The following CHL1 variants were observed in gnomAD, a reference collection of about 807,000 sequenced individuals.
The protein encoded by CHL1 is neural cell adhesion molecule L1-like protein.
In CHL1, 96 loss-of-function variants were observed where a neutral mutation model predicts 141.9. The observed-to-expected ratio is 0.68, with a 90% confidence interval of 0.57 to 0.80. The LOEUF (loss-of-function observed/expected upper bound fraction) is 0.80, where lower values mean the gene tolerates loss of function less well. CHL1 is among the 30% of genes least tolerant of loss of function. The pLI is 0.00. For synonymous variants in CHL1, 613 were observed against 502.2 expected (o/e 1.22, Z -2.95); for missense variants, 1,820 against 1,457.2 (o/e 1.25, Z -4.05).
intron 2 of CHL1, among the ~76,000 whole-genome samples, chr3:266,851 T>A (rs1574909384): frequency 1.3e-5 from 2 of 152,304 alleles, no homozygotes; most frequent in African/African-American, 4.8e-5. Context: ...CATGTTGTGA[T>A]ATTACAACAA....
At position 342,093 on chromosome 3, in the gene CHL1, A is replaced by G. The variant is rs1055498166; in HGVS notation, c.679+11A>G. 6.9e-6 allele frequency: 11 copies of G among 1,597,930 alleles called. No individual in the cohort carries two copies. The highest frequency in any genetic ancestry group is 6.7e-5 in the Admixed American group (4 of 59,380). ...TAACAGTTAACAGTTGTAAGTCCAC[A>G]TAATTTATCGTTTCATCATGTATGC... is the stretch of plus-strand genomic sequence containing the variant. On this transcript the variant is annotated intron_variant, in intron 7 of 27. Transcript: ENST00000256509.
In CHL1 at chr3:342,074, T is replaced by C. The variant is rs116421102; in HGVS notation, c.671T>C (p.Val224Ala). 1.7e-3 allele frequency: 2,760 copies of C among 1,608,678 alleles called. 5 individuals carry two copies. Among genetic ancestry groups the C allele is most frequent in the Non-Finnish European group, 2.2e-3 (2,562 of 1,175,744 alleles). ...IVQKMPMKLT[V>A]NSLKHANDSS... ...CAGAAAATGCCAATGAAACTAACAG[T>C]TAACAGTTGTAAGTCCACATAATTT... The change falls in exon 7 of 28, where the codon GTT becomes GCT. Residue 224 changes from valine to alanine, a missense_variant. Val to Ala is a moderately conservative substitution (Grantham distance 64). Coordinates refer to ENST00000256509, the MANE Select transcript of CHL1 (RefSeq NM_006614.4).
At chr3:235,243 A>T (rs571692364) in intron 1 of CHL1, among the ~76,000 whole-genome samples, 4 of 152,242 alleles carry the variant, frequency 2.6e-5, no homozygotes, top group African/African-American at 7.2e-5. Context: ...TGATGCTGCG[A>T]TAACACCTAT....
chr3:380,473 G>C (rs539283800), intron 16 of CHL1, among the ~76,000 whole-genome samples: 1 of 152,252 alleles, frequency 6.6e-6, no homozygotes, highest in African/African-American at 2.4e-5. Flanking sequence ...CCAATTTTCA[G>C]AGTAAATACC....
intron 1 of CHL1, among the ~76,000 whole-genome samples, chr3:242,633 C>G (rs1402302705): frequency 6.6e-6 from 1 of 151,290 alleles, no homozygotes; most frequent in African/African-American, 2.4e-5. Flanking sequence ...TAAAATAATA[C>G]AGAGATAATT....
chr3:264,515 C>T (rs2125213471), intron 2 of CHL1, among the ~76,000 whole-genome samples: 1 of 152,220 alleles, frequency 6.6e-6, no homozygotes, highest in Middle Eastern at 3.4e-3. Context: ...TAACAAAATG[C>T]CCCTGGTCTG....
At chr3:339,886 A>C (rs1479092500) in intron 5 of CHL1, among the ~76,000 whole-genome samples, 5 of 152,250 alleles carry the variant, frequency 3.3e-5, no homozygotes, top group South Asian at 2.1e-4. Flanking sequence ...AATGAATTCC[A>C]TCAAGTTGGG....
chr3:252,863 T>C (rs972235607), intron 2 of CHL1, among the ~76,000 whole-genome samples: 7 of 152,164 alleles, frequency 4.6e-5, no homozygotes, highest in African/African-American at 1.7e-4. Context: ...TTAGTGAATG[T>C]CCAATTATCA....
chr3:242,504 G>A (rs905592663), intron 1 of CHL1, among the ~76,000 whole-genome samples: 21 of 151,886 alleles, frequency 1.4e-4, no homozygotes, highest in Non-Finnish European at 2.6e-4. Flanking sequence ...GCTGAGGCAG[G>A]AGAATGGCTT....
chr3:378,449 A>G (rs772554625), intron 16 of CHL1, among the ~76,000 whole-genome samples: 15 of 152,180 alleles, frequency 9.9e-5, no homozygotes, highest in Admixed American at 2.0e-4. Flanking sequence ...GTTGTTGTTG[A>G]TGAAAGTACT....
intron 11 of CHL1, 80 bp from the exon 12 acceptor site, chr3:360,204 G>A (rs1704100232): frequency 5.3e-6 from 8 of 1,496,172 alleles, no homozygotes; most frequent in African/African-American, 1.4e-5. Context: ...TATAAATACT[G>A]TGTGACACAT....
At chr3:216,334 C>T (rs1281298223) in intron 1 of CHL1, among the ~76,000 whole-genome samples, 1 of 152,068 alleles carries the variant, frequency 6.6e-6, no homozygotes, top group Non-Finnish European at 1.5e-5. Context: ...TTTTGTTGTC[C>T]TGTGATTTTA....
chr3:248,002 C>T (rs374009341), intron 2 of CHL1: 10 of 152,170 alleles, frequency 6.6e-5, no homozygotes, highest in Admixed American at 6.6e-5. Context: ...GATGTCTTTA[C>T]CTTTTAAATA....
chr3:272,117 G>A (rs571010188), intron 2 of CHL1, among the ~76,000 whole-genome samples: 1 of 152,040 alleles, frequency 6.6e-6, no homozygotes, highest in Admixed American at 6.5e-5. Context: ...ATCAATACAG[G>A]GAATTCTTGT....
chr3:226,574 C>G (rs971075825), intron 1 of CHL1, among the ~76,000 whole-genome samples: 1 of 151,584 alleles, frequency 6.6e-6, no homozygotes, highest in Non-Finnish European at 1.5e-5. Context: ...TTCAGCCTCC[C>G]GAGTGGCTGG....
At chr3:280,857 G>A (rs899658860) in intron 2 of CHL1, among the ~76,000 whole-genome samples, 3 of 151,762 alleles carry the variant, frequency 2.0e-5, no homozygotes, top group Non-Finnish European at 4.4e-5. Flanking sequence ...CTAATAGTAA[G>A]TGTCTTTGTT....
chr3:338,664 G>T (rs115682146), intron 5 of CHL1, among the ~76,000 whole-genome samples: 1 of 152,188 alleles, frequency 6.6e-6, no homozygotes, highest in East Asian at 1.9e-4. Flanking sequence ...ATAAGTATGC[G>T]TCCCTGTTTT....
chr3:357,088 G>C (rs1703787777), intron 11 of CHL1, among the ~76,000 whole-genome samples: 2 of 152,198 alleles, frequency 1.3e-5, no homozygotes, highest in African/African-American at 4.8e-5. Context: ...TAATGGATGA[G>C]GAGGTCAAGG....
At chr3:226,260 G>C (rs1391264133) in intron 1 of CHL1, among the ~76,000 whole-genome samples, 1 of 149,836 alleles carries the variant, frequency 6.7e-6, no homozygotes, top group Non-Finnish European at 1.5e-5. Context: ...GGTGTCATGT[G>C]ATCCGCCTGC....
Sources: allele counts gnomAD v4.1 joint callset (sites outside exome capture counted in the v4.1 genomes callset), GRCh38; gene constraint gnomAD v4.1.1; transcripts MANE v1.5; gene names NCBI Gene and HGNC (gene_info 2026-07-23, HGNC 2026-07-21).